Variants in FLRT1 observed in about 807,000 individuals in gnomAD.
The protein encoded by FLRT1 is fibronectin leucine rich transmembrane protein 1, also known as leucine-rich repeat transmembrane protein FLRT1.
Under a neutral mutation model 30.9 loss-of-function variants are expected in FLRT1, and 14 were observed. The ratio of observed to expected loss-of-function variants is 0.45; its 90% CI spans 0.30 to 0.71. The LOEUF (loss-of-function observed/expected upper bound fraction) is 0.71. Among genes scored for constraint, FLRT1 ranks in the 30% least tolerant of loss-of-function variants. The probability of loss-of-function intolerance (pLI) is 0.08; values close to 1 mark genes in which losing one functional copy is unlikely to be tolerated. For missense variants in FLRT1, 737 were observed against 949.2 expected (o/e 0.78, Z 2.94); for synonymous variants, 368 against 430.4 (o/e 0.85, Z 1.80).
chr11:64,056,775 C>T (rs1005408256), intron 1 of FLRT1, among the ~76,000 whole-genome samples: 2 of 152,114 alleles, frequency 1.3e-5, no homozygotes, highest in South Asian at 2.1e-4. Context: ...TGGGGTAGTG[C>T]GAACCCTGGG....
At chr11:64,076,362 G>C (rs551019734) in intron 1 of FLRT1, among the ~76,000 whole-genome samples, 19 of 152,340 alleles carry the variant, frequency 1.2e-4, no homozygotes, top group African/African-American at 4.3e-4. Flanking sequence ...CTGGTGCCCA[G>C]AGCAGCCTGG....
At chr11:64,063,380 A>G (rs962626319) in intron 1 of FLRT1, among the ~76,000 whole-genome samples, 1 of 152,176 alleles carries the variant, frequency 6.6e-6, no homozygotes, top group African/African-American at 2.4e-5. Context: ...AATCCAGCAG[A>G]GACCCATGCC....
chr11:64,118,179 A>G lies in FLRT1; in HGVS notation c.1912A>G (p.Ile638Val), dbSNP rs758343378. The change falls in exon 3 of 3, where the codon ATC becomes GTC. Residue 638 changes from isoleucine to valine, a missense_variant. Physicochemically the swap from Ile to Val is conservative, Grantham distance 29. Transcript: ENST00000682287. ...RAKEEYVVHTIFPSNGSSLCK... is the reference protein window; with the variant it reads ...RAKEEYVVHTVFPSNGSSLCK... ...CAAAGAAGAGTACGTGGTCCACACT[A>G]TCTTCCCCTCCAACGGCAGCAGCCT... The G allele has an allele frequency of 2.5e-6, 4 of 1,613,622 alleles. No homozygotes were observed. Among genetic ancestry groups the G allele is most frequent in the South Asian group, 1.1e-5 (1 of 91,086 alleles).
intron 1 of FLRT1, among the ~76,000 whole-genome samples, chr11:64,053,511 T>C (rs1332228187): frequency 2.0e-5 from 3 of 151,604 alleles, no homozygotes; most frequent in Admixed American, 2.0e-4. Context: ...CAGGCCTGGG[T>C]TGGGGAGGCA....
chr11:64,044,487 G>T (rs761992963), intron 1 of FLRT1, among the ~76,000 whole-genome samples: 98 of 152,038 alleles, frequency 6.4e-4, no homozygotes, highest in Non-Finnish European at 1.3e-3. Context: ...GGCCTCAAGC[G>T]ATCCTCCCGC....
chr11:64,090,468 T>A lies in FLRT1; in HGVS notation c.-1037-12726T>A, dbSNP rs1174590574. ...CGATAATAATTTACGAGGCAGCCCC[T>A]GAGGTGGAGGAGGAGGAGGAGGCCA... On this transcript the variant is annotated intron_variant, in intron 1 of 2. Transcript: ENST00000682287. The surrounding 1 kb of genome is among the most constrained non-coding windows in gnomAD (Gnocchi z 4.7). 6.6e-6 allele frequency among the ~76,000 whole-genome samples: 1 copy of A among 152,154 alleles called. No individual in the cohort carries two copies. Among genetic ancestry groups the A allele is most frequent in the Non-Finnish European group, 1.5e-5 (1 of 67,998 alleles).
At chr11:64,087,835 A>C (rs1438526073) in intron 1 of FLRT1, among the ~76,000 whole-genome samples, 4 of 151,862 alleles carry the variant, frequency 2.6e-5, no homozygotes, top group Non-Finnish European at 5.9e-5. Context: ...TCCACAGACC[A>C]CTCTCCTGGG....
intron 1 of FLRT1, among the ~76,000 whole-genome samples, chr11:64,065,029 G>C (rs951656392): frequency 1.3e-5 from 2 of 152,192 alleles, no homozygotes; most frequent in South Asian, 4.1e-4. Context: ...GCTGGTGCTA[G>C]GGACATGAGC....
chr11:64,109,366 C>T (rs1429287737), intron 2 of FLRT1, among the ~76,000 whole-genome samples: 4 of 152,122 alleles, frequency 2.6e-5, no homozygotes, highest in Non-Finnish European at 4.4e-5. Flanking sequence ...GACACCCACA[C>T]TCAGCTTCCC....
At chr11:64,097,336 A>AC (rs1944595184) in intron 1 of FLRT1, among the ~76,000 whole-genome samples, 1 of 152,220 alleles carries the variant, frequency 6.6e-6, no homozygotes, top group South Asian at 2.1e-4. Flanking sequence ...CTCCCAGGCC[A>AC]CCTCTGGCCA....
chr11:64,041,555 G>A (rs1375361982), intron 1 of FLRT1, among the ~76,000 whole-genome samples: 1 of 152,048 alleles, frequency 6.6e-6, no homozygotes, highest in East Asian at 1.9e-4. Context: ...TCGCAGAGGT[G>A]GGGCTTCGTG....
intron 1 of FLRT1, among the ~76,000 whole-genome samples, chr11:64,091,442 G>A (rs1944488436): frequency 1.3e-5 from 2 of 148,436 alleles, no homozygotes; most frequent in African/African-American, 5.0e-5. Flanking sequence ...CCCCAGGGCT[G>A]CACTGGTGCC....
chr11:64,118,533 C>T lies in FLRT1; in HGVS notation c.*241C>T, dbSNP rs2134627302. 2.2e-6 allele frequency: 1 copy of T among 460,128 alleles called. No individual in the cohort carries two copies. The allele number at this position is 460,128 out of a possible 1,614,324, so 28.5% of individuals were successfully genotyped here. A position where few individuals can be genotyped will look rare whatever the true frequency, so the allele number is the denominator to read the frequency against. ...ACATTGTTGAAGACATAATTTATACCAAGTTATGCCAGTTGGGGAGGGAAG... is the reference window on the plus strand; with the variant it reads ...ACATTGTTGAAGACATAATTTATACTAAGTTATGCCAGTTGGGGAGGGAAG... On this transcript the variant is annotated 3_prime_UTR_variant, in exon 3 of 3. Transcript: ENST00000682287.
At chr11:64,056,204 C>G (rs1382960600) in intron 1 of FLRT1, among the ~76,000 whole-genome samples, 1 of 152,238 alleles carries the variant, frequency 6.6e-6, no homozygotes, top group Admixed American at 6.5e-5. Flanking sequence ...GGTGTCTTTG[C>G]CCATTTGGCT....
chr11:64,100,095 C>T (rs753590013), intron 1 of FLRT1, among the ~76,000 whole-genome samples: 2 of 152,154 alleles, frequency 1.3e-5, no homozygotes, highest in African/African-American at 2.4e-5. Flanking sequence ...AAGTCCTGCT[C>T]CCTCTTCTCA....
intron 1 of FLRT1, among the ~76,000 whole-genome samples, chr11:64,074,050 C>T (rs530749553): frequency 5.9e-5 from 9 of 152,292 alleles, no homozygotes; most frequent in East Asian, 1.9e-4. Context: ...ACTGTCAGCC[C>T]GGCCAGCTGG....
intron 2 of FLRT1, among the ~76,000 whole-genome samples, chr11:64,109,599 C>T (rs891207437): frequency 6.6e-6 from 1 of 152,132 alleles, no homozygotes; most frequent in African/African-American, 2.4e-5. Context: ...CACTGGATGA[C>T]CTGGTGACGA....
At chr11:64,040,296 G>C (rs1943460519) in intron 1 of FLRT1, among the ~76,000 whole-genome samples, 1 of 152,166 alleles carries the variant, frequency 6.6e-6, no homozygotes, top group Non-Finnish European at 1.5e-5. Context: ...GGAAGGGGGT[G>C]CTTAAGACAT....
intron 1 of FLRT1, among the ~76,000 whole-genome samples, chr11:64,044,915 G>A (rs1468934325): frequency 1.3e-5 from 2 of 152,184 alleles, no homozygotes; most frequent in East Asian, 3.8e-4. Flanking sequence ...CCTGGGGCTG[G>A]TACTGACAGT....
Sources: gnomAD v4.1 joint callset for allele counts (sites outside exome capture counted in the v4.1 genomes callset) on GRCh38, gnomAD v4.1.1 for gene constraint, Gnocchi (gnomAD v3.1) non-coding constraint, MANE v1.5 for transcripts, NCBI Gene and HGNC (gene_info 2026-07-23, HGNC 2026-07-21) for gene names.